The following BCAS3 variants were observed in gnomAD, a reference collection of about 807,000 sequenced individuals.
The protein encoded by BCAS3 is BCAS3 microtubule associated cell migration factor, also known as BCAS4/BCAS3 fusion.
Under a neutral mutation model 116.1 loss-of-function variants are expected in BCAS3, and 53 were observed. The observed-to-expected ratio is 0.46, with a 90% CI of 0.37 to 0.57. BCAS3 has a LOEUF of 0.57. Ranked by LOEUF, BCAS3 falls within the 20% of genes least tolerant of loss-of-function variation. BCAS3 has a pLI of 0.00. For missense variants in BCAS3, 917 were observed against 1,165.4 expected (o/e 0.79, Z 3.10); for synonymous variants, 391 against 408.2 (o/e 0.96, Z 0.51).
chr17:60,772,482 A>G (rs573010148), intron 6 of BCAS3, among the ~76,000 whole-genome samples: 1 of 152,140 alleles, frequency 6.6e-6, no homozygotes, highest in Admixed American at 6.5e-5. Context: ...GTAGATTGCA[A>G]ATATTTTCTC....
intron 7 of BCAS3, among the ~76,000 whole-genome samples, chr17:60,816,847 TG>T (rs2049467409): frequency 6.6e-6 from 1 of 152,100 alleles, no homozygotes; most frequent in South Asian, 2.1e-4. Flanking sequence ...GTGACAATGG[TG>T]GAGTTATGCC....
chr17:61,001,055 T>G (rs977715816), intron 15 of BCAS3, among the ~76,000 whole-genome samples: 2 of 152,170 alleles, frequency 1.3e-5, no homozygotes, highest in Admixed American at 1.3e-4. Context: ...GATTCACTTC[T>G]GCAGTTCTCT....
chr17:60,922,415 G>A (rs2059151774), intron 12 of BCAS3, among the ~76,000 whole-genome samples: 2 of 152,094 alleles, frequency 1.3e-5, no homozygotes, highest in African/African-American at 4.8e-5. Flanking sequence ...ATGAGCCACC[G>A]CGCCTGGCCC....
intron 22 of BCAS3, among the ~76,000 whole-genome samples, chr17:61,201,015 A>G (rs1439402762): frequency 3.3e-5 from 5 of 152,148 alleles, no homozygotes. Context: ...GACAAATAGT[A>G]TATATAAAAA....
intron 16 of BCAS3, among the ~76,000 whole-genome samples, chr17:61,033,077 A>G (rs950417894): frequency 6.6e-6 from 1 of 152,204 alleles, no homozygotes; most frequent in Admixed American, 6.5e-5. Context: ...AGATTACCAA[A>G]GCAAAGTCTG....
intron 22 of BCAS3, among the ~76,000 whole-genome samples, chr17:61,113,951 T>C (rs1030111376): frequency 6.6e-5 from 9 of 137,236 alleles, no homozygotes; most frequent in African/African-American, 1.9e-4. Context: ...AATCAATAAA[T>C]GTAATCCAGC....
At chr17:60,682,075 A>G (rs925306988) in intron 2 of BCAS3, among the ~76,000 whole-genome samples, 13 of 152,162 alleles carry the variant, frequency 8.5e-5, no homozygotes, top group Non-Finnish European at 1.6e-4. Context: ...CAAATTGGCT[A>G]GGCTGAAGCA....
intron 22 of BCAS3, among the ~76,000 whole-genome samples, chr17:61,096,353 C>G (rs2073971967): frequency 6.6e-6 from 1 of 151,874 alleles, no homozygotes; most frequent in South Asian, 2.1e-4. Context: ...AAACTTGTAT[C>G]CCAGCCTGGG....
chr17:60,705,512 C>CAAAAAA (rs1033436210), intron 4 of BCAS3, among the ~76,000 whole-genome samples: 12 of 61,704 alleles, frequency 1.9e-4, no homozygotes, highest in South Asian at 5.7e-4. Context: ...AGACTTGTCT[C>CAAAAAA]AAAAAAAAAA....
chr17:60,821,191 C>T (rs886509992), intron 7 of BCAS3, among the ~76,000 whole-genome samples: 1 of 152,150 alleles, frequency 6.6e-6, no homozygotes, highest in African/African-American at 2.4e-5. Flanking sequence ...AGGTGATCCA[C>T]CTGCCTCAGC....
intron 22 of BCAS3, among the ~76,000 whole-genome samples, chr17:61,345,452 A>G (rs1230707622): frequency 6.6e-6 from 1 of 152,024 alleles, no homozygotes; most frequent in Non-Finnish European, 1.5e-5. Context: ...GGGGAGCTTG[A>G]GGAGAGGAAG....
intron 22 of BCAS3, among the ~76,000 whole-genome samples, chr17:61,090,909 C>A: frequency 6.6e-6 from 1 of 152,208 alleles, no homozygotes; most frequent in South Asian, 2.1e-4. Context: ...CATGCCTCGG[C>A]CTCCCAAAGT....
intron 19 of BCAS3, among the ~76,000 whole-genome samples, chr17:61,046,016 A>AAAG (rs1461830725): frequency 8.5e-5 from 1 of 11,748 alleles, no homozygotes; most frequent in Non-Finnish European, 1.2e-4. Context: ...ATATATTTAT[A>AAAG]TATATATTAT....
At chr17:60,858,286 A>T (rs2053851467) in intron 7 of BCAS3, among the ~76,000 whole-genome samples, 1 of 152,126 alleles carries the variant, frequency 6.6e-6, no homozygotes. Context: ...CATTTCTGTC[A>T]CACCAAAAGT....
intron 22 of BCAS3, among the ~76,000 whole-genome samples, chr17:61,176,349 A>G (rs147111152): frequency 0.016 from 1,895 of 115,376 alleles, 31 homozygotes; most frequent in African/African-American, 0.054. Context: ...AAAGCTATTT[A>G]CCCAGAAAAT....
At position 60,961,889 on chromosome 17, in the gene BCAS3, A is replaced by T. The variant is rs940152183; in HGVS notation, c.1221+14537A>T. Among the ~76,000 whole-genome samples, 1 of 152,128 alleles carries T rather than the reference A, an allele frequency of 6.6e-6. No individual in the cohort carries two copies. Among genetic ancestry groups the T allele is most frequent in the African/African-American group, 2.4e-5 (1 of 41,428 alleles). On this transcript the variant is annotated intron_variant, in intron 14 of 23. Coordinates refer to ENST00000407086, the MANE Select transcript of BCAS3 (RefSeq NM_017679.5). This position sits in a 1 kb window ranked among gnomAD's most constrained non-coding sequence, Gnocchi z 4.8. ...ACTCATCATGCTTATGAACTACAAAAGGATCAAAGATCCACTTTTGTAGTT... is the reference window on the plus strand; with the variant it reads ...ACTCATCATGCTTATGAACTACAAATGGATCAAAGATCCACTTTTGTAGTT...
chr17:61,195,008 C>G (rs1302372218), intron 22 of BCAS3, among the ~76,000 whole-genome samples: 1 of 152,186 alleles, frequency 6.6e-6, no homozygotes, highest in Non-Finnish European at 1.5e-5. Context: ...CTAATACTGC[C>G]TTCTTTCTGA....
In BCAS3 at chr17:61,251,551, C is replaced by G. The variant is rs1372570748; in HGVS notation, c.2426-116776C>G. Among the ~76,000 whole-genome samples, 1 of 139,876 alleles carries G rather than the reference C, an allele frequency of 7.1e-6. No homozygotes were observed. The highest frequency in any genetic ancestry group is 7.6e-5 in the Admixed American group (1 of 13,174). 91.8% of individuals were successfully genotyped at this position (139,876 alleles called of 152,430 possible). On this transcript the variant is annotated intron_variant, in intron 22 of 23. Coordinates refer to ENST00000407086, the MANE Select transcript of BCAS3 (RefSeq NM_017679.5). The surrounding 1 kb of genome is among the most constrained non-coding windows in gnomAD (Gnocchi z 4.7). ...CGCCATTCCACTCCAGCCTGGGCAA[C>G]AAGAGCGAAACTCCACCTCAAAAAA...
intron 4 of BCAS3, among the ~76,000 whole-genome samples, chr17:60,695,644 G>C (rs1300906579): frequency 6.6e-6 from 1 of 152,062 alleles, no homozygotes; most frequent in Non-Finnish European, 1.5e-5. Flanking sequence ...TGTCATTCAG[G>C]GTGGAATGCA....
Sources: allele counts gnomAD v4.1 joint callset (sites outside exome capture counted in the v4.1 genomes callset), GRCh38; gene constraint gnomAD v4.1.1; non-coding constraint Gnocchi (gnomAD v3.1); transcripts MANE v1.5; gene names NCBI Gene and HGNC (gene_info 2026-07-23, HGNC 2026-07-21).